MARCHF4: variants seen among roughly 807,000 people sequenced by gnomAD.
MARCHF4 encodes E3 ubiquitin-protein ligase MARCHF4.
A neutral mutation model predicts 43.9 loss-of-function variants in MARCHF4; 14 were observed. The observed-to-expected ratio is 0.32, with a 90% CI of 0.21 to 0.50. The LOEUF (loss-of-function observed/expected upper bound fraction) is 0.50, where lower values mean the gene tolerates loss of function less well. Among genes scored for constraint, MARCHF4 ranks in the 20% least tolerant of loss-of-function variants. The pLI, the probability that MARCHF4 is intolerant of heterozygous loss-of-function variation, is 0.98. For missense variants in MARCHF4, 468 were observed against 536.7 expected (o/e 0.87, Z 1.27); for synonymous variants, 226 against 213.3 (o/e 1.06, Z -0.52).
At position 216,288,969 on chromosome 2, in the gene MARCHF4, A is replaced by T. The variant is rs1239934574; in HGVS notation, c.517-5240T>A. On this transcript the variant is annotated intron_variant, in intron 1 of 3. Transcript: ENST00000273067. The stretch of plus-strand genomic sequence containing the variant: ...AGGTAAACACTGAAGACAGCTTTAG[A>T]CCCTCATCAGCCTCCAGATGACACC... Among the ~76,000 whole-genome samples the T allele has an allele frequency of 4.0e-5, 6 of 151,436 alleles. No homozygotes were observed. The East Asian group carries it at 1.2e-3, about 29-fold the overall frequency.
At chr2:216,293,210 T>C (rs910192674) in intron 1 of MARCHF4, among the ~76,000 whole-genome samples, 4 of 152,198 alleles carry the variant, frequency 2.6e-5, no homozygotes, top group Non-Finnish European at 5.9e-5. Context: ...CACCCGTCCA[T>C]GGCATTTCAC....
Position 216,283,652 on chromosome 2 carries a change from G to A in MARCHF4, c.594C>T (p.Ser198=), listed in dbSNP as rs140625265. Residue 198 remains serine (S), a synonymous_variant, in exon 2 of 4, where the codon AGC becomes AGT. Coordinates refer to ENST00000273067, the MANE Select transcript of MARCHF4 (RefSeq NM_020814.3). ...THQPCLIKWI[S]ERGCWSCELC... is the part of the protein sequence containing the mutation. ...GCTCGCAGCTCCAGCAGCCCCGCTC[G>A]CTGATCCACTTGATGAGGCAAGGCT... 7 of 1,613,858 alleles carry A rather than the reference G, an allele frequency of 4.3e-6. No homozygotes were observed. The highest frequency in any genetic ancestry group is 2.2e-5 in the South Asian group (2 of 91,064).
At chr2:216,273,295 G>A (rs1690968273) in intron 3 of MARCHF4, among the ~76,000 whole-genome samples, 1 of 152,194 alleles carries the variant, frequency 6.6e-6, no homozygotes, top group Non-Finnish European at 1.5e-5. Context: ...CAGTCTTAGG[G>A]AATAAACAAA....
In MARCHF4 at chr2:216,283,656, A is replaced by C; in HGVS notation, c.590T>G (p.Ile197Ser). The change falls in exon 2 of 4, where the codon ATC becomes AGC. Residue 197 changes from isoleucine to serine, a missense_variant. Physicochemically the swap from Ile to Ser is moderately radical, Grantham distance 142 (BLOSUM62 -2). This residue lies in a region of MARCHF4 where 158 missense variants were observed against 251.1 expected (regional missense o/e 0.63). Coordinates refer to ENST00000273067, the MANE Select transcript of MARCHF4 (RefSeq NM_020814.3). ...GCAGCTCCAGCAGCCCCGCTCGCTG[A>C]TCCACTTGATGAGGCAAGGCTGGTG... ...CTHQPCLIKW[I>S]SERGCWSCEL... 6.2e-7 allele frequency: 1 copy of C among 1,613,870 alleles called. No homozygotes were observed. The highest frequency in any genetic ancestry group is 8.5e-7 in the Non-Finnish European group (1 of 1,179,738).
chr2:216,305,618 G>C (rs934285328), intron 1 of MARCHF4, among the ~76,000 whole-genome samples: 1 of 152,166 alleles, frequency 6.6e-6, no homozygotes, highest in Non-Finnish European at 1.5e-5. Context: ...GAATGGGTGG[G>C]CAGGCCCTCA....
At position 216,279,595 on chromosome 2, in the gene MARCHF4, C is replaced by T. The variant is rs558433067; in HGVS notation, c.673-1731G>A. On this transcript the variant is annotated intron_variant, in intron 2 of 3. Coordinates refer to ENST00000273067, the MANE Select transcript of MARCHF4 (RefSeq NM_020814.3). ...CTTTCCCTCTGCCAACAGGGAGACC[C>T]GGATGGAAGCATTTGATTCATTCTG... is the stretch of plus-strand genomic sequence containing the variant. Among the ~76,000 whole-genome samples the T allele has an allele frequency of 2.0e-4, 31 of 152,306 alleles. No individual in the cohort carries two copies. The East Asian group carries it at 3.1e-3, about 15-fold the overall frequency.
At chr2:216,277,466 A>C (rs1691044209) in intron 3 of MARCHF4, among the ~76,000 whole-genome samples, 1 of 152,164 alleles carries the variant, frequency 6.6e-6, no homozygotes, top group African/African-American at 2.4e-5. Flanking sequence ...TGTTTGGGAA[A>C]GATCTAGATC....
At chr2:216,365,908 G>T (rs1692659463) in intron 1 of MARCHF4, among the ~76,000 whole-genome samples, 4 of 152,178 alleles carry the variant, frequency 2.6e-5, no homozygotes, top group Admixed American at 2.6e-4. Context: ...GCAGGCAAAA[G>T]GTAGGTGCTT....
intron 1 of MARCHF4, among the ~76,000 whole-genome samples, chr2:216,328,422 A>G (rs1325385967): frequency 6.6e-6 from 1 of 152,144 alleles, no homozygotes; most frequent in Admixed American, 6.5e-5. Context: ...AACAATCCTG[A>G]GGCTTGTTAA....
intron 1 of MARCHF4, among the ~76,000 whole-genome samples, chr2:216,299,230 G>C (rs933454067): frequency 6.6e-6 from 1 of 152,128 alleles, no homozygotes; most frequent in African/African-American, 2.4e-5. Context: ...CTTGGAGGGG[G>C]GTCTCAGCCA....
chr2:216,279,637 G>T (rs1691094227), intron 2 of MARCHF4, among the ~76,000 whole-genome samples: 1 of 152,238 alleles, frequency 6.6e-6, no homozygotes, highest in Admixed American at 6.5e-5. Context: ...GCTGGGATTG[G>T]CCTGGCCAGT....
At chr2:216,290,832 G>A (rs1372962958) in intron 1 of MARCHF4, among the ~76,000 whole-genome samples, 1 of 152,130 alleles carries the variant, frequency 6.6e-6, no homozygotes, top group African/African-American at 2.4e-5. Flanking sequence ...AGAAGGATGG[G>A]GAGTTACCTT....
At chr2:216,282,548 T>C (rs1347457190) in intron 2 of MARCHF4, among the ~76,000 whole-genome samples, 1 of 152,140 alleles carries the variant, frequency 6.6e-6, no homozygotes, top group Non-Finnish European at 1.5e-5. Flanking sequence ...TCGTGCTCAC[T>C]AATTGATTAT....
chr2:216,267,908 A>G (rs1044746995), intron 3 of MARCHF4, among the ~76,000 whole-genome samples: 3 of 152,188 alleles, frequency 2.0e-5, no homozygotes, highest in Non-Finnish European at 4.4e-5. Flanking sequence ...TCTGCTTCTA[A>G]ATCAGTCATC....
intron 1 of MARCHF4, among the ~76,000 whole-genome samples, chr2:216,335,328 TA>T (rs1692140798): frequency 1.3e-5 from 2 of 152,036 alleles, no homozygotes; most frequent in Non-Finnish European, 2.9e-5. Flanking sequence ...CCCAAATGAC[TA>T]AAAATGGGAA....
intron 3 of MARCHF4, among the ~76,000 whole-genome samples, chr2:216,275,750 T>G (rs1006609995): frequency 6.6e-6 from 1 of 152,232 alleles, no homozygotes; most frequent in African/African-American, 2.4e-5. Flanking sequence ...CCTGCTCTGT[T>G]ACCCTATTGA....
At chr2:216,284,402 G>T (rs939549206) in intron 1 of MARCHF4, among the ~76,000 whole-genome samples, 1 of 152,190 alleles carries the variant, frequency 6.6e-6, no homozygotes, top group East Asian at 1.9e-4. Flanking sequence ...GGCAGCATTG[G>T]GCTCACTCTC....
chr2:216,361,277 G>A (rs188687446), intron 1 of MARCHF4, among the ~76,000 whole-genome samples: 2 of 152,192 alleles, frequency 1.3e-5, no homozygotes, highest in South Asian at 2.1e-4. Flanking sequence ...TAATCATGAA[G>A]CATAAGAGCA....
intron 3 of MARCHF4, 97 bp from the exon 4 acceptor site, chr2:216,259,776 C>A: frequency 1.6e-6 from 2 of 1,247,604 alleles, no homozygotes; most frequent in East Asian, 2.4e-5. Context: ...AAGGTATGGG[C>A]AATGGCTCCA....
Sources: gnomAD v4.1 joint callset for allele counts (sites outside exome capture counted in the v4.1 genomes callset) on GRCh38, gnomAD v4.1.1 for gene constraint, gnomAD v4.1.1 regional missense constraint, MANE v1.5 for transcripts, NCBI Gene and HGNC (gene_info 2026-07-23, HGNC 2026-07-21) for gene names.